DAG1: variants seen among roughly 807,000 people sequenced by gnomAD.
DAG1 encodes the protein dystroglycan 1, also known as dystroglycan 1 (dystrophin-associated glycoprotein 1).
In DAG1, 8 loss-of-function variants were observed where a neutral mutation model predicts 46.1. The observed-to-expected ratio is 0.17, with a 90% CI of 0.10 to 0.31. DAG1 has a LOEUF of 0.31. Among genes scored for constraint, DAG1 ranks in the 10% least tolerant of loss-of-function variants. The pLI, the probability that DAG1 is intolerant of heterozygous loss-of-function variation, is 1.00. For synonymous variants in DAG1, 495 were observed against 481.8 expected (o/e 1.03, Z -0.36); for missense variants, 1,003 against 1,189.9 (o/e 0.84, Z 2.31).
chr3:49,495,974 G>C (rs2050300724), intron 1 of DAG1, among the ~76,000 whole-genome samples: 1 of 152,084 alleles, frequency 6.6e-6, no homozygotes, highest in East Asian at 1.9e-4. Context: ...CCAAATGGAT[G>C]GTTTGGCCTG....
intron 1 of DAG1, among the ~76,000 whole-genome samples, chr3:49,471,565 A>C (rs2049519162): frequency 6.6e-6 from 1 of 152,182 alleles, no homozygotes; most frequent in Non-Finnish European, 1.5e-5. Flanking sequence ...CTAAGGAAGA[A>C]GAGCTCATGG....
At chr3:49,472,529 C>G (rs576971146) in intron 1 of DAG1, among the ~76,000 whole-genome samples, 1 of 152,054 alleles carries the variant, frequency 6.6e-6, no homozygotes, top group Non-Finnish European at 1.5e-5. Context: ...ACTTTATCGC[C>G]GGGCATGGTG....
intron 1 of DAG1, among the ~76,000 whole-genome samples, chr3:49,502,608 C>T (rs1026534628): frequency 2.0e-5 from 3 of 151,200 alleles, no homozygotes; most frequent in African/African-American, 4.9e-5. Flanking sequence ...CAAACTATAT[C>T]GTGCTAAATT....
At chr3:49,502,188 GAA>G (rs1466755642) in intron 1 of DAG1, among the ~76,000 whole-genome samples, 3 of 152,210 alleles carry the variant, frequency 2.0e-5, no homozygotes, top group Admixed American at 6.5e-5. Flanking sequence ...AAGAGTTGAA[GAA>G]AAACCTTCAA....
In DAG1 at chr3:49,531,086, C is replaced by T. The variant is rs193922955; in HGVS notation, c.575C>T (p.Thr192Met). ...GCGGATGAACCTGTGACTGTTTTGACGGTGATTTTGGATGCCGACCTCACC... is the reference window on the plus strand; with the variant it reads ...GCGGATGAACCTGTGACTGTTTTGATGGTGATTTTGGATGCCGACCTCACC... ...CAADEPVTVLTVILDADLTKM... is the reference protein window; with the variant it reads ...CAADEPVTVLMVILDADLTKM... The change falls in exon 3 of 3, where the codon ACG becomes ATG. Residue 192 changes from threonine (T) to methionine (M), a missense_variant. Physicochemically the swap from Thr to Met is moderately conservative, Grantham distance 81. Transcript: ENST00000308775. The surrounding 1 kb of genome is among the most constrained non-coding windows in gnomAD (Gnocchi z 7.0). The T allele has an allele frequency of 6.2e-7, 1 of 1,614,166 alleles. No homozygotes were observed. Among genetic ancestry groups the T allele is most frequent in the Non-Finnish European group, 8.5e-7 (1 of 1,180,028 alleles).
At position 49,510,571 on chromosome 3, in the gene DAG1, C is replaced by T; in HGVS notation, c.37C>T (p.Leu13Phe). The change falls in exon 2 of 3, where the codon CTC becomes TTC. Residue 13 changes from leucine to phenylalanine, a missense_variant. Coordinates refer to ENST00000308775, the MANE Select transcript of DAG1 (RefSeq NM_004393.6). Reference sequence around the variant, plus strand: ...TGTGGGCCTCTCGCTGCTGCTGCCCCTCTCGGGGAGGACCTTTCTCCTCCT... The same window carrying T: ...TGTGGGCCTCTCGCTGCTGCTGCCCTTCTCGGGGAGGACCTTTCTCCTCCT... Reference protein sequence around the residue: ...MSVGLSLLLPLSGRTFLLLLS... With the variant: ...MSVGLSLLLPFSGRTFLLLLS... 2 of 1,613,856 alleles carry T rather than the reference C, an allele frequency of 1.2e-6. No individual in the cohort carries two copies. The highest frequency in any genetic ancestry group is 1.7e-6 in the Non-Finnish European group (2 of 1,179,936).
chr3:49,493,473 CAG>C (rs2050238703), intron 1 of DAG1, among the ~76,000 whole-genome samples: 1 of 152,122 alleles, frequency 6.6e-6, no homozygotes, highest in Non-Finnish European at 1.5e-5. Flanking sequence ...GAGATGGAGA[CAG>C]AAGAAGCTGA....
chr3:49,502,707 C>A (rs62261190), intron 1 of DAG1, among the ~76,000 whole-genome samples: 3 of 147,468 alleles, frequency 2.0e-5, no homozygotes, highest in Non-Finnish European at 4.4e-5. Flanking sequence ...GGTGCGATCT[C>A]GGCTCACTAC....
intron 1 of DAG1, among the ~76,000 whole-genome samples, chr3:49,485,188 C>T (rs531300359): frequency 2.0e-5 from 3 of 151,998 alleles, no homozygotes; most frequent in African/African-American, 7.2e-5. Flanking sequence ...GGGGTTTCAC[C>T]GTGGTCTTGA....
chr3:49,501,236 AACTG>A (rs2050441586), intron 1 of DAG1, among the ~76,000 whole-genome samples: 1 of 152,176 alleles, frequency 6.6e-6, no homozygotes, highest in Non-Finnish European at 1.5e-5. Flanking sequence ...TGTGTCTCAT[AACTG>A]ACTGTTTTTA....
At chr3:49,510,268 C>G in intron 1 of DAG1, 151 bp from the exon 2 acceptor site, 1 of 571,024 alleles carries the variant, frequency 1.8e-6, no homozygotes. Flanking sequence ...AGGAGTTGCA[C>G]GAAACTGTTG....
intron 1 of DAG1, among the ~76,000 whole-genome samples, chr3:49,477,468 CTT>C: frequency 6.6e-6 from 1 of 152,152 alleles, no homozygotes; most frequent in Middle Eastern, 3.4e-3. Context: ...ATTTTTGTAA[CTT>C]TTTGTGGAGA....
chr3:49,476,352 G>T (rs2049682794), intron 1 of DAG1, among the ~76,000 whole-genome samples: 1 of 152,150 alleles, frequency 6.6e-6, no homozygotes, highest in Admixed American at 6.6e-5. Context: ...TACTTTGGGA[G>T]GCCGAGCCGT....
intron 2 of DAG1, among the ~76,000 whole-genome samples, chr3:49,521,798 C>T (rs1206383859): frequency 1.3e-5 from 2 of 151,700 alleles, no homozygotes; most frequent in Non-Finnish European, 2.9e-5. Context: ...TCAAATTTGG[C>T]AGTTCCCTGG....
chr3:49,515,394 T>G (rs991699862), intron 2 of DAG1, among the ~76,000 whole-genome samples: 1 of 150,670 alleles, frequency 6.6e-6, no homozygotes, highest in African/African-American at 2.4e-5. Flanking sequence ...TGTTGTTTTT[T>G]TTTTTTTTTT....
At chr3:49,491,756 G>A (rs1312520931) in intron 1 of DAG1, among the ~76,000 whole-genome samples, 2 of 152,088 alleles carry the variant, frequency 1.3e-5, no homozygotes, top group Non-Finnish European at 2.9e-5. Flanking sequence ...GATTACAGGC[G>A]TGAGCCACCG....
At chr3:49,508,557 C>T (rs1029606088) in intron 1 of DAG1, among the ~76,000 whole-genome samples, 1 of 152,112 alleles carries the variant, frequency 6.6e-6, no homozygotes, top group African/African-American at 2.4e-5. Flanking sequence ...CACCACCACG[C>T]CTGGCTAATT....
intron 2 of DAG1, among the ~76,000 whole-genome samples, chr3:49,525,264 TCAG>T (rs1662272872): frequency 6.6e-6 from 1 of 152,182 alleles, no homozygotes; most frequent in Non-Finnish European, 1.5e-5. Flanking sequence ...GGCCGGGACT[TCAG>T]GACCCTGGGG....
intron 1 of DAG1, among the ~76,000 whole-genome samples, chr3:49,477,293 C>T (rs932276952): frequency 2.0e-5 from 3 of 150,624 alleles, no homozygotes; most frequent in African/African-American, 7.3e-5. Context: ...CACCGCTGCC[C>T]AGCTTATTCG....
Sources: allele counts gnomAD v4.1 joint callset (sites outside exome capture counted in the v4.1 genomes callset), GRCh38; gene constraint gnomAD v4.1.1; non-coding constraint Gnocchi (gnomAD v3.1); transcripts MANE v1.5; gene names NCBI Gene and HGNC (gene_info 2026-07-23, HGNC 2026-07-21).